Variants in RAD51B observed in about 807,000 individuals in gnomAD.
The protein encoded by RAD51B is RAD51 paralog B.
A neutral mutation model predicts 42.2 loss-of-function variants in RAD51B; 38 were observed. The observed-to-expected ratio is 0.90, with a 90% CI of 0.70 to 1.18. RAD51B has a LOEUF of 1.18. Among genes scored for constraint, RAD51B ranks in the 50% most tolerant of loss-of-function variants. The probability of loss-of-function intolerance (pLI) is 0.00; values close to 1 mark genes in which losing one functional copy is unlikely to be tolerated. For synonymous variants in RAD51B, 154 were observed against 145.2 expected (o/e 1.06, Z -0.43); for missense variants, 373 against 400.7 (o/e 0.93, Z 0.59).
At chr14:68,231,465 T>G (rs2080148049) in intron 7 of RAD51B, among the ~76,000 whole-genome samples, 1 of 152,182 alleles carries the variant, frequency 6.6e-6, no homozygotes, top group Non-Finnish European at 1.5e-5. Flanking sequence ...ACCATCATTC[T>G]AGTCCTCCCC....
intron 7 of RAD51B, among the ~76,000 whole-genome samples, chr14:67,969,322 C>T (rs943370204): frequency 6.6e-6 from 1 of 152,140 alleles, no homozygotes; most frequent in South Asian, 2.1e-4. Context: ...CTTAGAAACA[C>T]TTGTTGGACC....
intron 9 of RAD51B, among the ~76,000 whole-genome samples, chr14:68,464,460 G>A (rs991140664): frequency 6.6e-6 from 1 of 152,174 alleles, no homozygotes; most frequent in African/African-American, 2.4e-5. Flanking sequence ...TATTAGAGGA[G>A]CAGTTTTTGT....
chr14:67,864,999 T>A lies in RAD51B; in HGVS notation c.316-4T>A. 2 of 1,256,496 alleles carry A rather than the reference T, an allele frequency of 1.6e-6. No individual in the cohort carries two copies. Among genetic ancestry groups the A allele is most frequent in the Non-Finnish European group, 2.0e-6 (2 of 987,694 alleles). 77.8% of individuals were successfully genotyped at this position (1,256,496 alleles called of 1,614,324 possible). A position where few individuals can be genotyped will look rare whatever the true frequency, so the allele number is the denominator to read the frequency against. On this transcript the variant is annotated splice_polypyrimidine_tract_variant and splice_region_variant and intron_variant, in intron 4 of 10. Transcript: ENST00000471583. ...TTTTTTTTTTTTTTTTTTTTTTTTT[T>A]TAGATTACAGGTCCACCAGGTTGTG... is the stretch of plus-strand genomic sequence containing the variant.
chr14:67,832,589 C>T (rs1410637092), intron 3 of RAD51B, among the ~76,000 whole-genome samples: 1 of 151,918 alleles, frequency 6.6e-6, no homozygotes, highest in Non-Finnish European at 1.5e-5. Flanking sequence ...TTACCATTTG[C>T]GAAATGGAGA....
chr14:68,505,186 G>T (rs1322590180), intron 10 of RAD51B, among the ~76,000 whole-genome samples: 1 of 152,256 alleles, frequency 6.6e-6, no homozygotes, highest in Non-Finnish European at 1.5e-5. Flanking sequence ...GGGAGCACGA[G>T]GATGGAGCAG....
At chr14:68,026,542 G>A (rs1009539559) in intron 7 of RAD51B, among the ~76,000 whole-genome samples, 2 of 151,630 alleles carry the variant, frequency 1.3e-5, no homozygotes, top group Non-Finnish European at 2.9e-5. Context: ...TGTTGGGTGG[G>A]TATATATTTA....
At position 68,565,258 on chromosome 14, in the gene RAD51B, T is replaced by C. The variant is rs758460244; in HGVS notation, c.1037-29227T>C. ...CGCAGCAGGCTCAGCTGTGAGGGTG[T>C]GGACAGGGAGGCAGACAGGATGTGC... On this transcript the variant is annotated intron_variant, in intron 10 of 10. Transcript: ENST00000487270. This position sits in a 1 kb window ranked among gnomAD's most constrained non-coding sequence, Gnocchi z 4.1. Among the ~76,000 whole-genome samples the C allele has an allele frequency of 3.3e-5, 5 of 152,170 alleles. No individual in the cohort carries two copies. The highest frequency in any genetic ancestry group is 5.9e-5 in the Non-Finnish European group (4 of 68,030).
At chr14:68,217,470 A>G (rs1011269440) in intron 7 of RAD51B, among the ~76,000 whole-genome samples, 3 of 152,176 alleles carry the variant, frequency 2.0e-5, no homozygotes, top group East Asian at 1.9e-4. Context: ...TCGGTACTCT[A>G]TGATGCGGGT....
intron 8 of RAD51B, among the ~76,000 whole-genome samples, chr14:68,340,207 A>G (rs1041434443): frequency 1.3e-5 from 2 of 152,258 alleles, no homozygotes; most frequent in African/African-American, 4.8e-5. Context: ...CATTAAAGGA[A>G]ACCAAAATAC....
At chr14:68,108,143 A>G (rs2077404306) in intron 7 of RAD51B, among the ~76,000 whole-genome samples, 1 of 152,012 alleles carries the variant, frequency 6.6e-6, no homozygotes, top group African/African-American at 2.4e-5. Flanking sequence ...TTTTACCACT[A>G]GGATGGCTAT....
intron 7 of RAD51B, among the ~76,000 whole-genome samples, chr14:68,090,979 G>C (rs1315403606): frequency 6.6e-6 from 1 of 150,818 alleles, no homozygotes; most frequent in Non-Finnish European, 1.5e-5. Flanking sequence ...GTGATAGTTT[G>C]CTGAGAATGA....
At chr14:68,614,062 T>C (rs1476790695), downstream of RAD51B, among the ~76,000 whole-genome samples, 1 of 152,198 alleles carries the variant, frequency 6.6e-6, no homozygotes, top group Non-Finnish European at 1.5e-5. Context: ...AAGTTAGCAA[T>C]AGACTTTAAA....
At position 67,916,483 on chromosome 14, in the gene RAD51B, C is replaced by G. The variant is rs116446412; in HGVS notation, c.756+29279C>G. 5.2e-3 allele frequency among the ~76,000 whole-genome samples: 785 copies of G among 152,118 alleles called. 7 individuals carry two copies. Among genetic ancestry groups the G allele is most frequent in the African/African-American group, 0.018 (731 of 41,500 alleles). Reference sequence around the variant, plus strand: ...TCTCGAACTCCTGGCCTCAAGTGATCCTCCTTGCCTTGGCCTTCCAAAGTG... The same window carrying G: ...TCTCGAACTCCTGGCCTCAAGTGATGCTCCTTGCCTTGGCCTTCCAAAGTG... On this transcript the variant is annotated intron_variant, in intron 7 of 10. Coordinates refer to ENST00000471583, the MANE Select transcript of RAD51B (RefSeq NM_133510.4).
intron 7 of RAD51B, among the ~76,000 whole-genome samples, chr14:68,071,421 T>A (rs2076738166): frequency 6.6e-6 from 1 of 152,296 alleles, no homozygotes; most frequent in South Asian, 2.1e-4. Flanking sequence ...TGGTGCTTCT[T>A]ATTTTGAAGT....
chr14:68,118,209 TA>T (rs1297241419), intron 7 of RAD51B, among the ~76,000 whole-genome samples: 1 of 152,216 alleles, frequency 6.6e-6, no homozygotes, highest in African/African-American at 2.4e-5. Flanking sequence ...CCTCTAATGT[TA>T]ACATCTAATA....
chr14:68,149,333 T>G (rs1380148846), intron 7 of RAD51B, among the ~76,000 whole-genome samples: 1 of 152,218 alleles, frequency 6.6e-6, no homozygotes, highest in African/African-American at 2.4e-5. Context: ...ATAGTTTGCA[T>G]TGTATATTTA....
At chr14:68,161,976 A>T (rs2078649317) in intron 7 of RAD51B, among the ~76,000 whole-genome samples, 1 of 152,238 alleles carries the variant, frequency 6.6e-6, no homozygotes, top group African/African-American at 2.4e-5. Flanking sequence ...AGAGGCTAGG[A>T]TGCCTATACC....
intron 7 of RAD51B, among the ~76,000 whole-genome samples, chr14:68,041,865 A>G (rs1251898125): frequency 6.6e-6 from 1 of 151,974 alleles, no homozygotes; most frequent in Non-Finnish European, 1.5e-5. Flanking sequence ...TTTCCATTCT[A>G]CCTTGCAGCC....
chr14:68,175,347 G>A (rs2078943857), intron 7 of RAD51B, among the ~76,000 whole-genome samples: 1 of 152,188 alleles, frequency 6.6e-6, no homozygotes, highest in African/African-American at 2.4e-5. Flanking sequence ...TTTAAGTACT[G>A]AATGCTTCAT....
Sources: allele counts gnomAD v4.1 joint callset (sites outside exome capture counted in the v4.1 genomes callset), GRCh38; gene constraint gnomAD v4.1.1; non-coding constraint Gnocchi (gnomAD v3.1); transcripts MANE v1.5; gene names NCBI Gene and HGNC (gene_info 2026-07-23, HGNC 2026-07-21).